Variants in FAM168A observed in about 807,000 individuals in gnomAD.
FAM168A encodes protein FAM168A.
In FAM168A, 3 loss-of-function variants were observed where a neutral mutation model predicts 28.5. The ratio of observed to expected loss-of-function variants is 0.11; its 90% CI spans 0.05 to 0.27. The LOEUF (loss-of-function observed/expected upper bound fraction) is 0.27, where lower values mean the gene tolerates loss of function less well. Ranked by LOEUF, FAM168A falls within the 10% of genes least tolerant of loss-of-function variation. The pLI, the probability that FAM168A is intolerant of heterozygous loss-of-function variation, is 1.00. For synonymous variants in FAM168A, 122 were observed against 124.2 expected, an observed-to-expected ratio of 0.98 and a Z score of 0.12; for missense variants, 222 against 311.5, an observed-to-expected ratio of 0.71 and a Z score of 2.16.
intron 1 of FAM168A, among the ~76,000 whole-genome samples, chr11:73,500,696 T>C (rs976844545): frequency 3.3e-5 from 5 of 151,936 alleles, no homozygotes; most frequent in African/African-American, 1.2e-4. Context: ...AAGCACTAAA[T>C]ATGGAAAGGA....
At chr11:73,410,192 G>A (rs1866583945) in intron 5 of FAM168A, among the ~76,000 whole-genome samples, 1 of 152,086 alleles carries the variant, frequency 6.6e-6, no homozygotes, top group African/African-American at 2.4e-5. Flanking sequence ...GATCACTTGA[G>A]GTCAGGAGTT....
intron 1 of FAM168A, among the ~76,000 whole-genome samples, chr11:73,521,975 G>A (rs371256406): frequency 1.6e-4 from 25 of 152,116 alleles, no homozygotes; most frequent in African/African-American, 5.8e-4. Context: ...GAATTCTCAA[G>A]GAAGTTGAAA....
chr11:73,550,394 C>T (rs1487666431), intron 1 of FAM168A, among the ~76,000 whole-genome samples: 1 of 152,232 alleles, frequency 6.6e-6, no homozygotes. Context: ...TGGCTCATGC[C>T]TGTAATCCCA....
chr11:73,544,181 A>T (rs926666042), intron 1 of FAM168A, among the ~76,000 whole-genome samples: 1 of 152,164 alleles, frequency 6.6e-6, no homozygotes, highest in Non-Finnish European at 1.5e-5. Flanking sequence ...CTAATGAAAG[A>T]TGTTCAGCAT....
chr11:73,520,657 A>C lies in FAM168A; in HGVS notation c.-18-52165T>G, dbSNP rs1943363984. 3.3e-5 allele frequency among the ~76,000 whole-genome samples: 5 copies of C among 152,130 alleles called. No homozygotes were observed. In the South Asian group the frequency reaches 1.0e-3, roughly 31 times the overall value. ...GTTAGCAGTCATCTCAAAATGTTTC[A>C]CTGAAATTATAATCCTTGAATGAAA... On this transcript the variant is annotated intron_variant, in intron 1 of 7. Transcript: ENST00000356467.
At chr11:73,590,805 G>T (rs777664507) in intron 1 of FAM168A, among the ~76,000 whole-genome samples, 21 of 152,030 alleles carry the variant, frequency 1.4e-4, no homozygotes, top group Non-Finnish European at 2.8e-4. Flanking sequence ...AGCTCCTCGG[G>T]TGATTCTAAA....
intron 1 of FAM168A, among the ~76,000 whole-genome samples, chr11:73,507,849 T>C (rs1855144566): frequency 6.6e-6 from 1 of 152,088 alleles, no homozygotes; most frequent in Non-Finnish European, 1.5e-5. Flanking sequence ...CTTTTCATAA[T>C]CAAGGTCCTG....
chr11:73,539,175 A>G (rs1565289007), intron 1 of FAM168A, among the ~76,000 whole-genome samples: 1 of 152,226 alleles, frequency 6.6e-6, no homozygotes, highest in African/African-American at 2.4e-5. Context: ...AAATGGTACA[A>G]CATTTAACTT....
chr11:73,449,986 T>G (rs1437812177), intron 2 of FAM168A, among the ~76,000 whole-genome samples: 1 of 152,254 alleles, frequency 6.6e-6, no homozygotes. Flanking sequence ...TGAGCAATTT[T>G]CAAGTAATCA....
At chr11:73,417,762 T>C (rs1866721474) in intron 4 of FAM168A, among the ~76,000 whole-genome samples, 2 of 152,130 alleles carry the variant, frequency 1.3e-5, no homozygotes, top group African/African-American at 2.4e-5. Context: ...GGTTTCACCA[T>C]GTTGGCCAGG....
At chr11:73,431,908 C>T (rs1000011877) in intron 2 of FAM168A, among the ~76,000 whole-genome samples, 1 of 152,170 alleles carries the variant, frequency 6.6e-6, no homozygotes, top group Non-Finnish European at 1.5e-5. Context: ...CAAACAGAAA[C>T]TCTGTAACCA....
At position 73,439,879 on chromosome 11, in the gene FAM168A, CTTTTTTTTTTT is replaced by C. The variant is rs761818483; in HGVS notation, c.71-9120_71-9110del. Among the ~76,000 whole-genome samples, 5 of 97,042 alleles carry C rather than the reference CTTTTTTTTTTT, an allele frequency of 5.2e-5. No homozygotes were observed. In the East Asian group the frequency reaches 1.0e-3, roughly 19 times the overall value. The allele number at this position is 97,042 out of a possible 152,430, so 63.7% of individuals were successfully genotyped here. A position where few individuals can be genotyped will look rare whatever the true frequency, so the allele number is the denominator to read the frequency against. On this transcript the variant is annotated intron_variant, in intron 2 of 7. Transcript: ENST00000356467. Reference sequence around the variant, plus strand: ...ATGAATACCTTTGTCTCTCAGGTCACTTTTTTTTTTTTTTTTTTTTTTTGAGTCGGAGTTTT... The same window carrying C: ...ATGAATACCTTTGTCTCTCAGGTCACTTTTTTTTTTTTGAGTCGGAGTTTT...
At chr11:73,535,734 T>C (rs1198259773) in intron 1 of FAM168A, among the ~76,000 whole-genome samples, 3 of 150,368 alleles carry the variant, frequency 2.0e-5, no homozygotes, top group African/African-American at 7.3e-5. Flanking sequence ...TTTTTTTTTT[T>C]TTTTTTTGAG....
At chr11:73,579,071 GA>G (rs1944211693) in intron 1 of FAM168A, among the ~76,000 whole-genome samples, 1 of 152,158 alleles carries the variant, frequency 6.6e-6, no homozygotes, top group African/African-American at 2.4e-5. Context: ...TCACATAGTG[GA>G]AAGCAGAGAG....
rs1311142572 is a variant in FAM168A at position 73,598,018 on chromosome 11, T to C, written c.-114A>G. 1.3e-5 allele frequency: 2 copies of C among 152,672 alleles called. No homozygotes were observed. The highest frequency in any genetic ancestry group is 2.9e-5 in the Non-Finnish European group (2 of 68,314). 9.5% of individuals were successfully genotyped at this position (152,672 alleles called of 1,614,324 possible). A position where few individuals can be genotyped will look rare whatever the true frequency, so the allele number is the denominator to read the frequency against. On this transcript the variant is annotated 5_prime_UTR_variant, in exon 1 of 8. Transcript: ENST00000356467. ...GCTACGGCGGCGACGCTCTCGCCCG[T>C]GTCCAGTAGGGTGGCGGATGGCGCG...
At chr11:73,499,925 T>C (rs1854972274) in intron 1 of FAM168A, among the ~76,000 whole-genome samples, 1 of 151,916 alleles carries the variant, frequency 6.6e-6, no homozygotes, top group South Asian at 2.1e-4. Flanking sequence ...ATGGAGAGAA[T>C]GGAAACAAGC....
intron 2 of FAM168A, among the ~76,000 whole-genome samples, chr11:73,461,392 A>C (rs1867644415): frequency 6.6e-6 from 1 of 152,190 alleles, no homozygotes; most frequent in Non-Finnish European, 1.5e-5. Flanking sequence ...TGCTGGGATT[A>C]CAGGTATGAG....
intron 1 of FAM168A, 136 bp downstream of exon 1, chr11:73,597,787 C>T (rs1330356484): frequency 6.6e-6 from 1 of 151,586 alleles, no homozygotes; most frequent in Non-Finnish European, 1.5e-5. Context: ...CCCCCGCCAG[C>T]CCGCCGTTCC....
At chr11:73,431,276 A>G (rs965188019) in intron 2 of FAM168A, among the ~76,000 whole-genome samples, 2 of 152,164 alleles carry the variant, frequency 1.3e-5, no homozygotes, top group Non-Finnish European at 2.9e-5. Flanking sequence ...CGGGAGGCAG[A>G]GGTTGCAGTG....
Sources: allele counts gnomAD v4.1 joint callset (sites outside exome capture counted in the v4.1 genomes callset), GRCh38; gene constraint gnomAD v4.1.1; transcripts MANE v1.5; gene names NCBI Gene and HGNC (gene_info 2026-07-23, HGNC 2026-07-21).